The following KCNMA1 variants were observed in gnomAD, a reference collection of about 807,000 sequenced individuals.
The protein encoded by KCNMA1 is Calcium-activated potassium channel subunit alpha-1.
In KCNMA1, 29 loss-of-function variants were observed where a neutral mutation model predicts 140.0. The observed-to-expected ratio is 0.21, with a 90% confidence interval of 0.15 to 0.28. KCNMA1 has a LOEUF of 0.28. Among genes scored for constraint, KCNMA1 ranks in the 10% least tolerant of loss-of-function variants. The probability of loss-of-function intolerance (pLI) is 1.00; values close to 1 mark genes in which losing one functional copy is unlikely to be tolerated. For synonymous variants in KCNMA1, 612 were observed against 611.9 expected, an observed-to-expected ratio of 1.00 and a Z score of 0.00; for missense variants, 880 against 1,602.2, an observed-to-expected ratio of 0.55 and a Z score of 7.70.
At chr10:77,470,384 CG>C (rs979754172) in intron 1 of KCNMA1, among the ~76,000 whole-genome samples, 1 of 152,080 alleles carries the variant, frequency 6.6e-6, no homozygotes, top group African/African-American at 2.4e-5. Flanking sequence ...GGGAAGACTC[CG>C]GGTGGCCTCA....
chr10:77,003,580 T>G (rs1226843940), intron 18 of KCNMA1, among the ~76,000 whole-genome samples: 2 of 152,230 alleles, frequency 1.3e-5, no homozygotes, highest in Non-Finnish European at 2.9e-5. Context: ...GAAACAAGGA[T>G]GATTTTTTTG....
chr10:77,583,268 T>C (rs540750099), intron 1 of KCNMA1, among the ~76,000 whole-genome samples: 1 of 152,340 alleles, frequency 6.6e-6, no homozygotes, highest in Non-Finnish European at 1.5e-5. Context: ...CTAGTCCCAC[T>C]ATGAAGCCCA....
intron 13 of KCNMA1, among the ~76,000 whole-genome samples, chr10:77,078,390 T>G (rs1233925542): frequency 2.0e-5 from 3 of 152,220 alleles, no homozygotes; most frequent in African/African-American, 7.2e-5. Context: ...AGCACTGCCT[T>G]TGAATGAGAC....
intron 9 of KCNMA1, among the ~76,000 whole-genome samples, chr10:77,096,332 C>T (rs1340790008): frequency 6.6e-6 from 1 of 152,150 alleles, no homozygotes; most frequent in Non-Finnish European, 1.5e-5. Context: ...CTGATGAATC[C>T]TCACACAGGG....
At chr10:77,496,810 T>A (rs2042129003) in intron 1 of KCNMA1, among the ~76,000 whole-genome samples, 1 of 152,158 alleles carries the variant, frequency 6.6e-6, no homozygotes. Flanking sequence ...AGCAAGAGCC[T>A]GAGGACACCT....
At chr10:77,562,187 C>A (rs1403623070) in intron 1 of KCNMA1, among the ~76,000 whole-genome samples, 1 of 152,204 alleles carries the variant, frequency 6.6e-6, no homozygotes, top group East Asian at 1.9e-4. Context: ...CGGGGCCCAG[C>A]CCCCAGCTGC....
intron 19 of KCNMA1, among the ~76,000 whole-genome samples, chr10:76,973,366 T>G (rs2153191953): frequency 6.6e-6 from 1 of 152,308 alleles, no homozygotes; most frequent in South Asian, 2.1e-4. Context: ...TGTTGTAACT[T>G]CCCAGCGCTC....
At chr10:77,381,989 G>C (rs77430316) in intron 2 of KCNMA1, among the ~76,000 whole-genome samples, 2 of 152,084 alleles carry the variant, frequency 1.3e-5, no homozygotes, top group Non-Finnish European at 2.9e-5. Context: ...TTTCTTCTTC[G>C]TGGACTTTTT....
chr10:77,244,781 C>T (rs2058181070), intron 3 of KCNMA1, among the ~76,000 whole-genome samples: 1 of 144,418 alleles, frequency 6.9e-6, no homozygotes, highest in East Asian at 2.1e-4. Context: ...CCAAGTGTTG[C>T]TATTAAAGGG....
At chr10:77,306,511 A>G (rs980099813) in intron 2 of KCNMA1, among the ~76,000 whole-genome samples, 1 of 152,258 alleles carries the variant, frequency 6.6e-6, no homozygotes, top group African/African-American at 2.4e-5. Context: ...TGAGTATCAA[A>G]TAAAGAATGA....
At chr10:77,028,712 G>A (rs1335377932) in intron 15 of KCNMA1, among the ~76,000 whole-genome samples, 1 of 152,096 alleles carries the variant, frequency 6.6e-6, no homozygotes, top group Non-Finnish European at 1.5e-5. Context: ...ATTGTTTCAT[G>A]TGTCTGAACT....
chr10:77,296,929 A>C (rs550202874), intron 2 of KCNMA1, among the ~76,000 whole-genome samples: 44 of 143,836 alleles, frequency 3.1e-4, no homozygotes, highest in Non-Finnish European at 5.2e-4. Context: ...GCGGTGGGGG[A>C]ATGTAGAGAA....
At position 77,460,958 on chromosome 10, in the gene KCNMA1, T is replaced by G. The variant is rs75195838; in HGVS notation, c.379-56935A>C. Among the ~76,000 whole-genome samples the G allele has an allele frequency of 3.3e-3, 500 of 152,052 alleles. 10 individuals are homozygous for G. The East Asian group carries it at 0.051, about 15-fold the overall frequency. On this transcript the variant is annotated intron_variant, in intron 1 of 27. Coordinates refer to ENST00000286628, the MANE Select transcript of KCNMA1 (RefSeq NM_001161352.2). ...CCATCTCTACTAAAAATACAAAAAT[T>G]AGCTGGGCGTGGTGGCATGCCACTG...
chr10:77,223,144 G>T (rs192477024), intron 3 of KCNMA1, among the ~76,000 whole-genome samples: 1 of 152,060 alleles, frequency 6.6e-6, no homozygotes, highest in African/African-American at 2.4e-5. Context: ...CAGGAGAATT[G>T]CTTGAACCCG....
intron 2 of KCNMA1, among the ~76,000 whole-genome samples, chr10:77,353,751 T>C (rs1298686165): frequency 6.6e-6 from 1 of 152,150 alleles, no homozygotes; most frequent in Non-Finnish European, 1.5e-5. Context: ...TCATCCCAAC[T>C]AAGTTGGAAG....
At chr10:76,873,683 G>A (rs2031814268), downstream of KCNMA1, 2 of 152,196 alleles carry the variant, frequency 1.3e-5, no homozygotes, top group African/African-American at 4.8e-5. Context: ...TAGTCTCCTA[G>A]GAGTCAAGCC....
In KCNMA1 at chr10:76,885,008, C is replaced by T; in HGVS notation, c.*2258G>A. ...TCATACCTTGGCCCATTCTATTCAT[C>T]CTTGTTGCACTTTAGAGAGAGAAGT... On this transcript the variant is annotated 3_prime_UTR_variant, in exon 28 of 28. Coordinates refer to ENST00000286628, the MANE Select transcript of KCNMA1 (RefSeq NM_001161352.2). The T allele has an allele frequency of 6.5e-7, 1 of 1,548,124 alleles. No homozygotes were observed. Among genetic ancestry groups the T allele is most frequent in the South Asian group, 1.2e-5 (1 of 83,554 alleles).
Position 77,187,712 on chromosome 10 carries a change from G to A in KCNMA1, c.603-2796C>T, listed in dbSNP as rs886893426. 5.9e-5 allele frequency among the ~76,000 whole-genome samples: 9 copies of A among 152,140 alleles called. No individual in the cohort carries two copies. The South Asian group carries it at 8.3e-4, about 14-fold the overall frequency. On this transcript the variant is annotated intron_variant, in intron 3 of 27. Transcript: ENST00000286628. ...AAAGACCCATATAGGATGAGTGATC[G>A]GGCAATGTACTTTCTATCCCTTTTA...
intron 2 of KCNMA1, among the ~76,000 whole-genome samples, chr10:77,339,120 G>A (rs1204854702): frequency 2.0e-5 from 3 of 151,866 alleles, no homozygotes; most frequent in Non-Finnish European, 4.4e-5. Context: ...ATCTCATGGG[G>A]AGGGGGTAAG....
Sources: gnomAD v4.1 joint callset for allele counts (sites outside exome capture counted in the v4.1 genomes callset) on GRCh38, gnomAD v4.1.1 for gene constraint, MANE v1.5 for transcripts, NCBI Gene and HGNC (gene_info 2026-07-23, HGNC 2026-07-21) for gene names.